Variants in CD33 observed in about 807,000 individuals in gnomAD.
CD33 encodes the protein myeloid cell surface antigen CD33.
In CD33, 25 loss-of-function variants were observed where a neutral mutation model predicts 31.4. The ratio of observed to expected loss-of-function variants is 0.80; its 90% CI spans 0.58 to 1.11. The LOEUF (loss-of-function observed/expected upper bound fraction) is 1.11, where lower values mean the gene tolerates loss of function less well. CD33 is among the 50% of genes most tolerant of loss of function. The pLI is 0.00. For synonymous variants in CD33, 176 were observed against 180.6 expected (o/e 0.97, Z 0.20); for missense variants, 407 against 448.1 (o/e 0.91, Z 0.83).
chr19:51,235,302 A>G lies in CD33; in HGVS notation c.842+49A>G, dbSNP rs1033725867. 2.6e-6 allele frequency: 4 copies of G among 1,547,276 alleles called. No individual in the cohort carries two copies. The African/African-American group carries it at 4.1e-5, about 16-fold the overall frequency. On this transcript the variant is annotated intron_variant, in intron 5 of 6. Coordinates refer to ENST00000262262, the MANE Select transcript of CD33 (RefSeq NM_001772.4). ...CATGGGCCAGAGGTGAAGAGGATGG[A>G]CCTGGTGTAGAAGGGTCCTGGAGGG...
chr19:51,215,403 G>C, the CD33 span, among the ~76,000 whole-genome samples: 1 of 152,084 alleles, frequency 6.6e-6, no homozygotes, highest in Non-Finnish European at 1.5e-5. Flanking sequence ...CCTTTGCAGC[G>C]CACAGGGAGG....
chr19:51,212,387 A>G, the CD33 span, among the ~76,000 whole-genome samples: 4 of 152,088 alleles, frequency 2.6e-5, no homozygotes, highest in African/African-American at 9.7e-5. Flanking sequence ...TGGGAAGAGG[A>G]GACCTTCAGC....
At chr19:51,226,134 T>A (rs1697195659) in intron 3 of CD33, 53 bp downstream of exon 3, 1 of 1,593,842 alleles carries the variant, frequency 6.3e-7, no homozygotes, top group Non-Finnish European at 8.6e-7. Context: ...GGAGACAGGA[T>A]GGGCTGGTGC....
In CD33 at chr19:51,239,544, T is replaced by G. The variant is rs149704584; in HGVS notation, c.951T>G (p.His317Gln). The G allele has an allele frequency of 6.3e-5, 102 of 1,611,238 alleles. No homozygotes were observed. The African/African-American group carries it at 1.2e-3, about 19-fold the overall frequency. Residue 317 changes from histidine to glutamine, a missense_variant, in exon 7 of 7, where the codon CAT becomes CAG. Transcript: ENST00000262262. ...SPKHQKKSKL[H>Q]GPTETSSCSG... The stretch of plus-strand genomic sequence containing the variant: ...AACACCAGAAGAAGTCCAAGTTACA[T>G]GGCCCCACTGAAACCTCAAGCTGTT...
chr19:51,211,348 T>C, the CD33 span: 1 of 1,556,016 alleles, frequency 6.4e-7, no homozygotes, highest in Non-Finnish European at 8.8e-7. Context: ...TCATGGTTAC[T>C]GGTTCCGGGA....
chr19:51,225,101 G>A lies in CD33; in HGVS notation c.-18G>A, dbSNP rs748187320. On this transcript the variant is annotated 5_prime_UTR_variant, in exon 1 of 7. Coordinates refer to ENST00000262262, the MANE Select transcript of CD33 (RefSeq NM_001772.4). ...TTTTCTGCTCACACAGGAAGCCCTGGAAGCTGCTTCCTCAGACATGCCGCT... is the reference window on the plus strand; with the variant it reads ...TTTTCTGCTCACACAGGAAGCCCTGAAAGCTGCTTCCTCAGACATGCCGCT... 6 of 1,613,350 alleles carry A rather than the reference G, an allele frequency of 3.7e-6. No homozygotes were observed. In the East Asian group the frequency reaches 1.3e-4, roughly 36 times the overall value.
intron 4 of CD33, among the ~76,000 whole-genome samples, chr19:51,228,124 T>C (rs1981164100): frequency 6.6e-6 from 1 of 152,220 alleles, no homozygotes; most frequent in South Asian, 2.1e-4. Flanking sequence ...TACAGCTTTG[T>C]AGTTTTGAAA....
intron 2 of CD33, 64 bp from the exon 3 acceptor site, chr19:51,225,739 C>A (rs1181673323): frequency 6.4e-6 from 10 of 1,558,784 alleles, no homozygotes; most frequent in Non-Finnish European, 8.7e-6. Flanking sequence ...AGAGGTTGAT[C>A]TTCTCTCAGG....
In CD33 at chr19:51,225,986, C is replaced by A. The variant is rs747048790; in HGVS notation, c.602C>A (p.Pro201Gln). The change falls in exon 3 of 7, where the codon CCA (proline) becomes CAA (glutamine). Residue 201 changes from proline to glutamine, a missense_variant. Physicochemically the swap from Pro to Gln is moderately conservative, Grantham distance 76. Transcript: ENST00000262262. ...CACTCCTCGGTGCTCATAATCACCC[C>A]ACGGCCCCAGGACCACGGCACCAAC... ...TTHSSVLIITPRPQDHGTNLT... is the reference protein window; with the variant it reads ...TTHSSVLIITQRPQDHGTNLT... 1.2e-6 allele frequency: 2 copies of A among 1,614,110 alleles called. No homozygotes were observed. The highest frequency in any genetic ancestry group is 3.3e-5 in the Admixed American group (2 of 60,010).
In CD33 at chr19:51,231,843, C is replaced by T. The variant is rs565421929; in HGVS notation, c.746-3314C>T. ...GCATGATCACGGCTCACTATAGTCTCGACCTCCTGGGCTTAAGCAATCTTC... is the reference window on the plus strand; with the variant it reads ...GCATGATCACGGCTCACTATAGTCTTGACCTCCTGGGCTTAAGCAATCTTC... On this transcript the variant is annotated intron_variant, in intron 4 of 6. Coordinates refer to ENST00000262262, the MANE Select transcript of CD33 (RefSeq NM_001772.4). Among the ~76,000 whole-genome samples the T allele has an allele frequency of 3.9e-5, 6 of 152,178 alleles. No individual in the cohort carries two copies. The South Asian group carries it at 6.2e-4, about 16-fold the overall frequency.
intron 6 of CD33, chr19:51,235,913 C>T: frequency 1.4e-6 from 1 of 701,328 alleles, no homozygotes; most frequent in Non-Finnish European, 2.6e-6. Flanking sequence ...AATCCCAGCA[C>T]CTTTGGAGGC....
chr19:51,217,966 C>A, the CD33 span, among the ~76,000 whole-genome samples: 1 of 152,166 alleles, frequency 6.6e-6, no homozygotes, highest in African/African-American at 2.4e-5. Flanking sequence ...GATTCCATAT[C>A]TTTGCTGTTG....
At position 51,239,524 on chromosome 19, in the gene CD33, CAGA is replaced by C. The variant is rs1982023460; in HGVS notation, c.937_939del (p.Lys313del). 1 of 1,602,968 alleles carries C rather than the reference CAGA, an allele frequency of 6.2e-7. No homozygotes were observed. The highest frequency in any genetic ancestry group is 8.5e-7 in the Non-Finnish European group (1 of 1,174,606). On this transcript the variant is annotated inframe_deletion, in exon 7 of 7. Coordinates refer to ENST00000262262, the MANE Select transcript of CD33 (RefSeq NM_001772.4). ...CTTCTTTCCTCTCCATAAGAAACAC[CAGA>C]AGAAGTCCAAGTTACATGGCCCCAC...
chr19:51,235,436 A>G, intron 5 of CD33, 159 bp from the exon 6 acceptor site: 1 of 1,363,764 alleles, frequency 7.3e-7, no homozygotes, highest in Non-Finnish European at 9.9e-7. Context: ...CAGATGTCCA[A>G]GGAGTGGGAG....
In CD33 at chr19:51,235,159, A is replaced by G; in HGVS notation, c.748A>G (p.Lys250Glu). The G allele has an allele frequency of 6.2e-7, 1 of 1,613,504 alleles. No homozygotes were observed. Among genetic ancestry groups the G allele is most frequent in the Non-Finnish European group, 8.5e-7 (1 of 1,179,454 alleles). The change falls in exon 5 of 7, where the codon AAA (lysine) becomes GAA (glutamate). Residue 250 changes from lysine to glutamate, a missense_variant and splice_region_variant. Lys to Glu is a moderately conservative substitution (Grantham distance 56). Transcript: ENST00000262262. ...TGIFPGDGSG[K>E]QETRAGVVHG... ...CCCCAAATCTTTTTTGTCTGCAGGG[A>G]AACAAGAGACCAGAGCAGGAGTGGT...
the CD33 span, among the ~76,000 whole-genome samples, chr19:51,217,616 A>G: frequency 6.6e-6 from 1 of 152,124 alleles, no homozygotes; most frequent in East Asian, 1.9e-4. Flanking sequence ...ACAGGGTTTC[A>G]CCATGTTGGT....
upstream of CD33, among the ~76,000 whole-genome samples, chr19:51,224,681 C>A (rs369507926): frequency 4.6e-5 from 7 of 152,148 alleles, no homozygotes; most frequent in African/African-American, 1.7e-4. Flanking sequence ...CTATAGAATC[C>A]TATATCCTGC....
At chr19:51,211,859 C>A in the CD33 span, 2 of 1,282,742 alleles carry the variant, frequency 1.6e-6, no homozygotes, top group Non-Finnish European at 2.3e-6. Context: ...GGAACCTGAC[C>A]TGCTCTGTGC....
chr19:51,211,580 A>G, the CD33 span: 5 of 1,507,064 alleles, frequency 3.3e-6, no homozygotes, highest in Middle Eastern at 1.8e-4. Flanking sequence ...CTCTCTGTGC[A>G]TGTGACAGGT....
Sources: gnomAD v4.1 joint callset for allele counts (sites outside exome capture counted in the v4.1 genomes callset) on GRCh38, gnomAD v4.1.1 for gene constraint, MANE v1.5 for transcripts, NCBI Gene and HGNC (gene_info 2026-07-23, HGNC 2026-07-21) for gene names.